The following PLXDC2 variants were observed in gnomAD, a reference collection of about 807,000 sequenced individuals.
PLXDC2 encodes plexin domain-containing protein 2.
In PLXDC2, 40 loss-of-function variants were observed where a neutral mutation model predicts 68.9. The observed-to-expected ratio is 0.58, with a 90% CI of 0.45 to 0.76. PLXDC2 has a LOEUF of 0.76. PLXDC2 is among the 30% of genes least tolerant of loss of function. The pLI is 0.00. For synonymous variants in PLXDC2, 243 were observed against 234.2 expected (o/e 1.04, Z -0.34); for missense variants, 644 against 661.9 (o/e 0.97, Z 0.30).
At chr10:19,904,444 G>A (rs1453181159) in intron 1 of PLXDC2, among the ~76,000 whole-genome samples, 1 of 152,016 alleles carries the variant, frequency 6.6e-6, no homozygotes, top group Non-Finnish European at 1.5e-5. Context: ...ACAGCCCACA[G>A]TCCCAAAAGC....
At chr10:20,107,399 CT>C (rs1405385575) in intron 4 of PLXDC2, among the ~76,000 whole-genome samples, 5 of 152,020 alleles carry the variant, frequency 3.3e-5, no homozygotes, top group African/African-American at 1.2e-4. Context: ...AAGAGACTAA[CT>C]TTGATATTTC....
At chr10:20,085,184 A>C (rs7918203) in intron 4 of PLXDC2, among the ~76,000 whole-genome samples, 1 of 150,734 alleles carries the variant, frequency 6.6e-6, no homozygotes, top group Admixed American at 6.6e-5. Context: ...AGGTGGGGGG[A>C]GCCTATGTGA....
chr10:19,825,323 C>T (rs1224305150), intron 1 of PLXDC2, among the ~76,000 whole-genome samples: 1 of 152,082 alleles, frequency 6.6e-6, no homozygotes, highest in Admixed American at 6.5e-5. Context: ...TAAGAGTTTG[C>T]CCTATGGAAA....
intron 1 of PLXDC2, among the ~76,000 whole-genome samples, chr10:19,914,190 G>A (rs144938521): frequency 1.0e-3 from 152 of 151,958 alleles, no homozygotes; most frequent in African/African-American, 3.4e-3. Context: ...AAATTACTTT[G>A]AGAATCATTT....
chr10:19,882,531 AG>A (rs1320279774), intron 1 of PLXDC2, among the ~76,000 whole-genome samples: 4 of 152,230 alleles, frequency 2.6e-5, no homozygotes, highest in Non-Finnish European at 5.9e-5. Flanking sequence ...CTAAGTCCAA[AG>A]TCAGGTACTT....
At chr10:19,827,118 A>G (rs1207502584) in intron 1 of PLXDC2, among the ~76,000 whole-genome samples, 1 of 152,154 alleles carries the variant, frequency 6.6e-6, no homozygotes, top group Non-Finnish European at 1.5e-5. Flanking sequence ...TTATATTTAG[A>G]GCTAGAATTT....
chr10:19,955,074 A>AATTT (rs1554848335), intron 1 of PLXDC2, among the ~76,000 whole-genome samples: 1 of 99,290 alleles, frequency 1.0e-5, no homozygotes, highest in African/African-American at 3.9e-5. Context: ...CCTTTCACTG[A>AATTT]TTTTTTTTTT....
chr10:20,078,105 A>G (rs951803577), intron 4 of PLXDC2, among the ~76,000 whole-genome samples: 7 of 152,192 alleles, frequency 4.6e-5, no homozygotes, highest in Non-Finnish European at 1.0e-4. Flanking sequence ...CTACCTCTTA[A>G]TAATTAAAGA....
chr10:19,958,103 A>T (rs1055820633), intron 1 of PLXDC2, among the ~76,000 whole-genome samples: 21 of 151,822 alleles, frequency 1.4e-4, no homozygotes, highest in African/African-American at 5.1e-4. Context: ...TTGGATTAAC[A>T]CCTGTTCTTC....
chr10:20,023,880 T>C (rs978188791), intron 2 of PLXDC2, among the ~76,000 whole-genome samples: 1 of 152,146 alleles, frequency 6.6e-6, no homozygotes, highest in African/African-American at 2.4e-5. Context: ...GAAAAGAGGA[T>C]TTATTTATTC....
rs149846018 is a variant in PLXDC2, at chr10:20,053,004, G to A, written c.471+5989G>A. Among the ~76,000 whole-genome samples, 662 of 152,046 alleles carry A rather than the reference G, an allele frequency of 4.4e-3. 1 individual carries two copies. The highest frequency in any genetic ancestry group is 6.6e-3 in the Non-Finnish European group (447 of 67,964). On this transcript the variant is annotated intron_variant, in intron 3 of 13. Coordinates refer to ENST00000377252, the MANE Select transcript of PLXDC2 (RefSeq NM_032812.9). ...ATAAATGTGGTCCAAACACTATTTT[G>A]GAATCTTAGATAATATTCTTGGAAG... is the stretch of plus-strand genomic sequence containing the variant.
chr10:19,994,253 C>CA (rs985920599), intron 1 of PLXDC2, among the ~76,000 whole-genome samples: 18 of 87,504 alleles, frequency 2.1e-4, no homozygotes, highest in Non-Finnish European at 3.5e-4. Context: ...TTGTATTCTC[C>CA]TTTTTTTTTT....
chr10:19,879,302 T>C (rs1837686989), intron 1 of PLXDC2, among the ~76,000 whole-genome samples: 1 of 152,296 alleles, frequency 6.6e-6, no homozygotes, highest in South Asian at 2.1e-4. Context: ...TAAAATACTA[T>C]GAGAGTATCA....
At chr10:20,018,245 A>G (rs1042139564) in intron 2 of PLXDC2, among the ~76,000 whole-genome samples, 1 of 152,164 alleles carries the variant, frequency 6.6e-6, no homozygotes, top group Non-Finnish European at 1.5e-5. Flanking sequence ...TCCAGAAAAC[A>G]TTTTATTCCA....
chr10:20,130,469 T>A (rs1589645177), intron 4 of PLXDC2, among the ~76,000 whole-genome samples: 1 of 152,198 alleles, frequency 6.6e-6, no homozygotes, highest in Admixed American at 6.5e-5. Flanking sequence ...TTTCTTCCTT[T>A]CTGGTTTGTC....
At chr10:20,179,807 A>C (rs1459336480) in intron 9 of PLXDC2, among the ~76,000 whole-genome samples, 1 of 152,114 alleles carries the variant, frequency 6.6e-6, no homozygotes, top group Non-Finnish European at 1.5e-5. Context: ...TATCAAACTT[A>C]ACATTTTCAC....
At position 19,922,079 on chromosome 10, in the gene PLXDC2, G is replaced by A. The variant is rs189063259; in HGVS notation, c.113-79696G>A. ...TCACCTTGTTGGCAAGGCTGGTCTC[G>A]AACTCCTGACCTCAAGTGATCTGCC... is the stretch of plus-strand genomic sequence containing the variant. On this transcript the variant is annotated intron_variant, in intron 1 of 13. Coordinates refer to ENST00000377252, the MANE Select transcript of PLXDC2 (RefSeq NM_032812.9). Among the ~76,000 whole-genome samples, 350 of 152,154 alleles carry A rather than the reference G, an allele frequency of 2.3e-3. 2 individuals carry two copies. Among genetic ancestry groups the A allele is most frequent in the Non-Finnish European group, 5.3e-4 (36 of 67,980 alleles).
chr10:19,993,824 A>T (rs181900748), intron 1 of PLXDC2, among the ~76,000 whole-genome samples: 1 of 152,322 alleles, frequency 6.6e-6, no homozygotes, highest in East Asian at 1.9e-4. Context: ...CCAAAACATT[A>T]CCCTACAATG....
intron 1 of PLXDC2, among the ~76,000 whole-genome samples, chr10:19,981,488 G>A (rs900208546): frequency 6.6e-6 from 1 of 152,178 alleles, no homozygotes; most frequent in Non-Finnish European, 1.5e-5. Flanking sequence ...GAGATGATGG[G>A]TGAATTTATT....
Sources: allele counts gnomAD v4.1 joint callset (sites outside exome capture counted in the v4.1 genomes callset), GRCh38; gene constraint gnomAD v4.1.1; transcripts MANE v1.5; gene names NCBI Gene and HGNC (gene_info 2026-07-23, HGNC 2026-07-21).